Variants in LIPK observed in about 807,000 individuals in gnomAD.
The protein encoded by LIPK is lipase family member K.
Under a neutral mutation model 48.6 loss-of-function variants are expected in LIPK, and 32 were observed. The observed-to-expected ratio is 0.66, with a 90% CI of 0.50 to 0.88. The LOEUF (loss-of-function observed/expected upper bound fraction) is 0.88. Among genes scored for constraint, LIPK ranks in the 40% least tolerant of loss-of-function variants. The pLI, the probability that LIPK is intolerant of heterozygous loss-of-function variation, is 0.00. For missense variants in LIPK, 507 were observed against 478.5 expected (o/e 1.06, Z -0.56); for synonymous variants, 164 against 157.4 (o/e 1.04, Z -0.32).
At chr10:88,721,423 T>C (rs1384815099) in intron 1 of LIPK, among the ~76,000 whole-genome samples, 1 of 152,340 alleles carries the variant, frequency 6.6e-6, no homozygotes, top group African/African-American at 2.4e-5. Flanking sequence ...GCTGTTTAGA[T>C]TGGACTTGAC....
intron 3 of LIPK, chr10:88,727,504 C>A: frequency 6.2e-6 from 1 of 161,960 alleles, no homozygotes; most frequent in South Asian, 1.8e-4. Flanking sequence ...GTCAAATCAC[C>A]ATCTAGTTTA....
At chr10:88,740,808 ACC>A (rs11300051) in intron 8 of LIPK, among the ~76,000 whole-genome samples, 21 of 148,654 alleles carry the variant, frequency 1.4e-4, no homozygotes, top group Non-Finnish European at 2.4e-4. Flanking sequence ...TATATCTGAG[ACC>A]CCCCCCCAAC....
chr10:88,743,940 G>C (rs1842726483), intron 9 of LIPK, among the ~76,000 whole-genome samples: 1 of 152,138 alleles, frequency 6.6e-6, no homozygotes, highest in African/African-American at 2.4e-5. Flanking sequence ...GAGTTGGCAG[G>C]GACAGGACTC....
At chr10:88,747,796 T>C (rs1487217885) in intron 9 of LIPK, among the ~76,000 whole-genome samples, 4 of 152,180 alleles carry the variant, frequency 2.6e-5, no homozygotes, top group Admixed American at 2.6e-4. Context: ...GGAACACTTT[T>C]ACACTGTTGA....
chr10:88,737,503 T>C, intron 6 of LIPK, 132 bp from the exon 7 acceptor site: 1 of 872,422 alleles, frequency 1.1e-6, no homozygotes, highest in East Asian at 2.5e-5. Flanking sequence ...ATAACAAGCC[T>C]CATGATTTCA....
intron 1 of LIPK, among the ~76,000 whole-genome samples, chr10:88,720,942 C>T (rs1057314957): frequency 6.6e-5 from 10 of 151,442 alleles, no homozygotes; most frequent in Non-Finnish European, 1.3e-4. Context: ...TAAATATAAT[C>T]TATTGTGATT....
chr10:88,731,064 T>G lies in LIPK; in HGVS notation c.305T>G (p.Leu102Trp). 1 of 1,603,852 alleles carries G rather than the reference T, an allele frequency of 6.2e-7. No individual in the cohort carries two copies. The highest frequency in any genetic ancestry group is 1.3e-5 in the African/African-American group (1 of 74,958). ...ATTTGCAACCTGCCCAACAACAGTT[T>G]GGCTTTCCTTCTGGCAGATAGTGGT... The part of the protein sequence containing the change: ...NWICNLPNNS[L>W]AFLLADSGYD... The change falls in exon 4 of 10, where the codon TTG becomes TGG. Residue 102 changes from leucine to tryptophan, a missense_variant. Leu to Trp is a moderately conservative substitution (Grantham distance 61). Coordinates refer to ENST00000404190, the MANE Select transcript of LIPK (RefSeq NM_001080518.2).
chr10:88,729,467 A>C (rs924967698), intron 3 of LIPK, among the ~76,000 whole-genome samples: 1 of 152,236 alleles, frequency 6.6e-6, no homozygotes, highest in Non-Finnish European at 1.5e-5. Flanking sequence ...ATTATTTCCC[A>C]AAATAACTCC....
chr10:88,751,219 A>G (rs1842857778), intron 9 of LIPK, among the ~76,000 whole-genome samples: 1 of 152,112 alleles, frequency 6.6e-6, no homozygotes, highest in African/African-American at 2.4e-5. Flanking sequence ...GGAAATGTGT[A>G]TTGTTATTGT....
At chr10:88,732,887 G>A (rs912816984) in intron 6 of LIPK, among the ~76,000 whole-genome samples, 1 of 152,188 alleles carries the variant, frequency 6.6e-6, no homozygotes, top group Admixed American at 6.5e-5. Context: ...AGGGGCAGTG[G>A]TGGTTGAGTT....
chr10:88,744,235 C>T (rs538112736), intron 9 of LIPK, among the ~76,000 whole-genome samples: 3 of 152,380 alleles, frequency 2.0e-5, no homozygotes, highest in Non-Finnish European at 2.9e-5. Flanking sequence ...ACTGCCATAC[C>T]TCCTTCACTG....
At chr10:88,719,447 T>C (rs1842180236) in intron 1 of LIPK, among the ~76,000 whole-genome samples, 1 of 152,252 alleles carries the variant, frequency 6.6e-6, no homozygotes, top group African/African-American at 2.4e-5. Context: ...CTCCCTGCAG[T>C]TGAAGCTCTG....
intron 8 of LIPK, among the ~76,000 whole-genome samples, chr10:88,742,493 A>G (rs1268535438): frequency 6.6e-6 from 1 of 152,274 alleles, no homozygotes; most frequent in Non-Finnish European, 1.5e-5. Flanking sequence ...AGTGCTTGAC[A>G]TAAATGTCAA....
At chr10:88,743,194 G>GTC in intron 8 of LIPK, 56 bp from the exon 9 acceptor site, 1 of 1,192,468 alleles carries the variant, frequency 8.4e-7, no homozygotes, top group Non-Finnish European at 1.2e-6. Flanking sequence ...CTTCTGTACT[G>GTC]TCTTTAAATG....
chr10:88,728,426 C>T (rs988516192), intron 3 of LIPK: 1 of 193,958 alleles, frequency 5.2e-6, no homozygotes. Context: ...CCAGGTGAAC[C>T]GAAACATCAG....
At chr10:88,733,903 G>A (rs1043215167) in intron 6 of LIPK, among the ~76,000 whole-genome samples, 2 of 152,290 alleles carry the variant, frequency 1.3e-5, no homozygotes, top group South Asian at 2.1e-4. Flanking sequence ...AAAAACTAGG[G>A]TGTATGTGAG....
At chr10:88,708,236 C>A (rs1279952378) in intron 1 of LIPK, among the ~76,000 whole-genome samples, 2 of 152,070 alleles carry the variant, frequency 1.3e-5, no homozygotes, top group Admixed American at 6.6e-5. Flanking sequence ...TAAATTTATA[C>A]ATAATTATTT....
intron 2 of LIPK, among the ~76,000 whole-genome samples, chr10:88,726,302 T>C (rs1340840235): frequency 2.0e-5 from 3 of 152,226 alleles, no homozygotes; most frequent in African/African-American, 4.8e-5. Flanking sequence ...CCTCTTTATG[T>C]AACTCCTAGA....
intron 1 of LIPK, among the ~76,000 whole-genome samples, chr10:88,706,671 A>C (rs1306433035): frequency 6.6e-6 from 1 of 152,174 alleles, no homozygotes; most frequent in Non-Finnish European, 1.5e-5. Flanking sequence ...TTGGGAAATA[A>C]TGTTTGGATA....
Sources: allele counts gnomAD v4.1 joint callset (sites outside exome capture counted in the v4.1 genomes callset), GRCh38; gene constraint gnomAD v4.1.1; transcripts MANE v1.5; gene names NCBI Gene and HGNC (gene_info 2026-07-23, HGNC 2026-07-21).